Variants in LMCD1 observed in about 807,000 individuals in gnomAD.
LMCD1 encodes LIM and cysteine rich domains 1.
LMCD1 carries 32 observed loss-of-function variants against 42.7 expected under a neutral mutation model. The observed-to-expected ratio is 0.75, with a 90% confidence interval of 0.57 to 1.01. LMCD1 has a LOEUF of 1.01. Among genes scored for constraint, LMCD1 ranks in the 50% least tolerant of loss-of-function variants. The pLI, the probability that LMCD1 is intolerant of heterozygous loss-of-function variation, is 0.00. For synonymous variants in LMCD1, 178 were observed against 184.9 expected, an observed-to-expected ratio of 0.96 and a Z score of 0.30; for missense variants, 458 against 483.1, an observed-to-expected ratio of 0.95 and a Z score of 0.49.
At chr3:8,516,524 A>G (rs528586997) in intron 1 of LMCD1, among the ~76,000 whole-genome samples, 4 of 152,294 alleles carry the variant, frequency 2.6e-5, no homozygotes, top group African/African-American at 9.6e-5. Context: ...AAGTGCAAGA[A>G]ATCCTGAGAA....
At chr3:8,565,348 G>C in intron 4 of LMCD1, 84 bp from the exon 5 acceptor site, 2 of 1,236,366 alleles carry the variant, frequency 1.6e-6, no homozygotes, top group Non-Finnish European at 2.4e-6. Flanking sequence ...CCAGGAAGTA[G>C]AAAGGCTGGA....
intron 4 of LMCD1, among the ~76,000 whole-genome samples, chr3:8,556,679 C>T (rs541826356): frequency 2.6e-5 from 4 of 152,158 alleles, no homozygotes; most frequent in Admixed American, 6.5e-5. Context: ...TCTGAGACTC[C>T]GTCCCTGCTC....
intron 1 of LMCD1, among the ~76,000 whole-genome samples, chr3:8,519,882 G>A (rs1288690907): frequency 6.6e-6 from 1 of 152,012 alleles, no homozygotes. Context: ...GTTGGTTGAA[G>A]GAAATCCTTT....
intron 4 of LMCD1, among the ~76,000 whole-genome samples, chr3:8,549,363 G>A (rs928243049): frequency 6.6e-6 from 1 of 152,188 alleles, no homozygotes; most frequent in Non-Finnish European, 1.5e-5. Context: ...CCACGTGATT[G>A]AAAGTGTGGC....
chr3:8,532,601 T>C, intron 1 of LMCD1, 136 bp from the exon 2 acceptor site: 1 of 712,218 alleles, frequency 1.4e-6, no homozygotes, highest in Admixed American at 2.2e-5. Context: ...GTAAACAGTT[T>C]GTGATGGCTT....
Position 8,509,637 on chromosome 3 carries a change from C to A in LMCD1, c.42+7657C>A, listed in dbSNP as rs116622230. Among the ~76,000 whole-genome samples, 459 of 152,298 alleles carry A rather than the reference C, an allele frequency of 3.0e-3. 3 individuals are homozygous for A. Among genetic ancestry groups the A allele is most frequent in the African/African-American group, 0.011 (438 of 41,560 alleles). On this transcript the variant is annotated intron_variant, in intron 1 of 5. Transcript: ENST00000157600. Reference sequence around the variant, plus strand: ...AGGCAGGAGACAGGCCAAATAATGTCAGTGTTCTGTGAGTCTTTGTGTTCC... The same window carrying A: ...AGGCAGGAGACAGGCCAAATAATGTAAGTGTTCTGTGAGTCTTTGTGTTCC...
intron 1 of LMCD1, among the ~76,000 whole-genome samples, chr3:8,504,468 C>T (rs556173195): frequency 2.4e-4 from 36 of 152,322 alleles, no homozygotes; most frequent in African/African-American, 6.7e-4. Flanking sequence ...AGGCTGTTTC[C>T]GCTTCCCTAC....
chr3:8,563,767 A>C (rs1052899455), intron 4 of LMCD1, among the ~76,000 whole-genome samples: 1 of 152,230 alleles, frequency 6.6e-6, no homozygotes, highest in Non-Finnish European at 1.5e-5. Flanking sequence ...AGAATCTGAC[A>C]AACACTGCCT....
chr3:8,521,760 T>C (rs1195654492), intron 1 of LMCD1, among the ~76,000 whole-genome samples: 2 of 152,188 alleles, frequency 1.3e-5, no homozygotes, highest in Non-Finnish European at 2.9e-5. Context: ...TTCTCCCTTA[T>C]GCCAAGTGAT....
chr3:8,534,813 G>A (rs1209606956), intron 2 of LMCD1, among the ~76,000 whole-genome samples: 1 of 152,114 alleles, frequency 6.6e-6, no homozygotes, highest in Non-Finnish European at 1.5e-5. Context: ...GGAAAGAGTG[G>A]GGTGGGGTGA....
intron 4 of LMCD1, among the ~76,000 whole-genome samples, chr3:8,558,070 G>T (rs1228331294): frequency 6.6e-6 from 1 of 152,200 alleles, no homozygotes; most frequent in African/African-American, 2.4e-5. Context: ...CTGAGAGAGA[G>T]AGCCCAGGGG....
rs147776352 is a variant in LMCD1, at chr3:8,528,991, G to T, written c.43-3746G>T. 7.1e-3 allele frequency among the ~76,000 whole-genome samples: 1,075 copies of T among 152,236 alleles called. 16 individuals carry two copies. The Middle Eastern group carries it at 0.071, about 10-fold the overall frequency. The stretch of plus-strand genomic sequence containing the variant: ...CATTTCTTTCTGTTCTCGGGAGAAA[G>T]GACAGATTAGATGCTGCATTCCAAG... On this transcript the variant is annotated intron_variant, in intron 1 of 5. Transcript: ENST00000157600.
chr3:8,532,778 T>G lies in LMCD1; in HGVS notation c.84T>G (p.Cys28Trp), dbSNP rs1694436635. Residue 28 changes from cysteine to tryptophan, a missense_variant, in exon 2 of 6, where the codon TGT becomes TGG. Cys to Trp is a radical substitution (Grantham distance 215, BLOSUM62 -2). Coordinates refer to ENST00000157600, the MANE Select transcript of LMCD1 (RefSeq NM_014583.4). The stretch of plus-strand genomic sequence containing the variant: ...TGCAGTCAGCAAGAGGTGTGGCATG[T>G]TTGGGATGCAAGGGGACGTGTTCGG... Reference protein sequence around the residue: ...GQLQSARGVACLGCKGTCSGF... With the variant: ...GQLQSARGVAWLGCKGTCSGF... 1 of 1,613,814 alleles carries G rather than the reference T, an allele frequency of 6.2e-7. No individual in the cohort carries two copies.
rs1263578175 is a variant in LMCD1, at chr3:8,515,136, T to C, written c.42+13156T>C. The C allele has an allele frequency of 7.3e-6, 3 of 408,996 alleles. No homozygotes were observed. In the East Asian group the frequency reaches 2.2e-4, roughly 29 times the overall value. 25.3% of individuals were successfully genotyped at this position (408,996 alleles called of 1,614,324 possible). A position where few individuals can be genotyped will look rare whatever the true frequency, so the allele number is the denominator to read the frequency against. On this transcript the variant is annotated intron_variant, in intron 1 of 5. Transcript: ENST00000157600. Reference sequence around the variant, plus strand: ...AGTTCCTGCTGCAGCCCCCTGGAGGTGTCACGTTAGGGGAGAACTTTGTCT... The same window carrying C: ...AGTTCCTGCTGCAGCCCCCTGGAGGCGTCACGTTAGGGGAGAACTTTGTCT...
rs2125044165 is a variant in LMCD1, at chr3:8,573,298, C to A, written c.*5700C>A. ...AATTGCATATGTTTATGGTCTATAACATGGTGTTTCGATATATGTATACAT... is the reference window on the plus strand; with the variant it reads ...AATTGCATATGTTTATGGTCTATAAAATGGTGTTTCGATATATGTATACAT... On this transcript the variant is annotated 3_prime_UTR_variant, in exon 6 of 6. Transcript: ENST00000157600. 6.6e-6 allele frequency: 1 copy of A among 152,264 alleles called. No homozygotes were observed. Among genetic ancestry groups the A allele is most frequent in the African/African-American group, 2.4e-5 (1 of 41,558 alleles). 9.4% of individuals were successfully genotyped at this position (152,264 alleles called of 1,614,324 possible).
intron 1 of LMCD1, among the ~76,000 whole-genome samples, chr3:8,504,458 A>G (rs1307127045): frequency 2.0e-5 from 3 of 152,374 alleles, no homozygotes; most frequent in African/African-American, 7.2e-5. Context: ...AATGGCATAC[A>G]GGCTGTTTCC....
chr3:8,562,737 C>A (rs1365445412), intron 4 of LMCD1, among the ~76,000 whole-genome samples: 3 of 152,198 alleles, frequency 2.0e-5, no homozygotes, highest in Admixed American at 2.0e-4. Flanking sequence ...ATTTATCACA[C>A]TCCATGATTA....
At chr3:8,549,017 G>C in intron 4 of LMCD1, 114 bp downstream of exon 4, 1 of 785,360 alleles carries the variant, frequency 1.3e-6, no homozygotes, top group Non-Finnish European at 1.9e-6. Context: ...TCATGAATTT[G>C]TGCATTCAGC....
intron 1 of LMCD1, among the ~76,000 whole-genome samples, chr3:8,506,009 AT>A (rs1380934757): frequency 6.6e-6 from 1 of 152,240 alleles, no homozygotes. Flanking sequence ...TTTTGCCATA[AT>A]AGAGCCTTGT....
Sources: gnomAD v4.1 joint callset for allele counts (sites outside exome capture counted in the v4.1 genomes callset) on GRCh38, gnomAD v4.1.1 for gene constraint, MANE v1.5 for transcripts, NCBI Gene and HGNC (gene_info 2026-07-23, HGNC 2026-07-21) for gene names.